Variants in ACOXL observed in about 807,000 individuals in gnomAD.
ACOXL encodes the protein acyl-coenzyme A oxidase-like protein.
Under a neutral mutation model 71.9 loss-of-function variants are expected in ACOXL, and 70 were observed. The ratio of observed to expected loss-of-function variants is 0.97; its 90% CI spans 0.80 to 1.19. The LOEUF (loss-of-function observed/expected upper bound fraction) is 1.19. ACOXL is among the 50% of genes most tolerant of loss of function. The probability of loss-of-function intolerance (pLI) is 0.00; values close to 1 mark genes in which losing one functional copy is unlikely to be tolerated. For synonymous variants in ACOXL, 253 were observed against 281.6 expected (o/e 0.90, Z 1.02); for missense variants, 703 against 736.3 (o/e 0.95, Z 0.52).
At chr2:110,892,648 A>T (rs920103527) in intron 10 of ACOXL, among the ~76,000 whole-genome samples, 1 of 152,200 alleles carries the variant, frequency 6.6e-6, no homozygotes, top group African/African-American at 2.4e-5. Context: ...TTGCCAGCAA[A>T]ACAGTAAAGT....
At chr2:111,088,716 T>A (rs2068357478) in intron 16 of ACOXL, among the ~76,000 whole-genome samples, 1 of 152,074 alleles carries the variant, frequency 6.6e-6, no homozygotes, top group Non-Finnish European at 1.5e-5. Flanking sequence ...AAATAATCTG[T>A]ACACCAGACT....
chr2:110,990,264 C>T (rs766881474), intron 13 of ACOXL, among the ~76,000 whole-genome samples: 1 of 151,964 alleles, frequency 6.6e-6, no homozygotes, highest in Non-Finnish European at 1.5e-5. Flanking sequence ...ATACTATATC[C>T]TTTCATAGAT....
chr2:110,972,614 GTCTC>G (rs139672665), intron 12 of ACOXL, among the ~76,000 whole-genome samples: 1,641 of 147,620 alleles, frequency 0.011, 35 homozygotes, highest in African/African-American at 0.039. Flanking sequence ...ATGCATCTCT[GTCTC>G]TCTCACACGC....
At chr2:110,968,352 C>T (rs1315005422) in intron 12 of ACOXL, 17 of 1,137,096 alleles carry the variant, frequency 1.5e-5, no homozygotes, top group Non-Finnish European at 2.1e-5. Context: ...GCTCATCTGT[C>T]TCTCATAGTA....
intron 2 of ACOXL, among the ~76,000 whole-genome samples, chr2:110,778,593 G>C (rs537643008): frequency 6.6e-6 from 1 of 152,316 alleles, no homozygotes; most frequent in Admixed American, 6.5e-5. Flanking sequence ...CCTTGGGCTA[G>C]TTTTTGAATT....
intron 10 of ACOXL, among the ~76,000 whole-genome samples, chr2:110,881,398 T>C (rs1696626550): frequency 6.6e-6 from 1 of 152,126 alleles, no homozygotes; most frequent in South Asian, 2.1e-4. Context: ...ATAAATTGCT[T>C]TCCAAAAATT....
intron 16 of ACOXL, among the ~76,000 whole-genome samples, chr2:111,071,238 G>C (rs939712193): frequency 6.6e-6 from 1 of 152,136 alleles, no homozygotes. Flanking sequence ...GGGGATCAAA[G>C]AAAAAGACCC....
intron 16 of ACOXL, among the ~76,000 whole-genome samples, chr2:111,053,831 C>T (rs187415609): frequency 6.6e-6 from 1 of 152,362 alleles, no homozygotes; most frequent in East Asian, 1.9e-4. Flanking sequence ...CCATCGCCTG[C>T]AGAGCCTCCC....
intron 17 of ACOXL, among the ~76,000 whole-genome samples, chr2:111,108,280 T>C (rs1045796600): frequency 6.6e-6 from 1 of 152,040 alleles, no homozygotes; most frequent in African/African-American, 2.4e-5. Context: ...GGCAATCTCA[T>C]GTTGGTTCCC....
intron 14 of ACOXL, among the ~76,000 whole-genome samples, chr2:111,001,611 C>T (rs986892893): frequency 6.6e-6 from 1 of 152,122 alleles, no homozygotes; most frequent in African/African-American, 2.4e-5. Context: ...ACCACTGATT[C>T]CTGCATTATT....
chr2:110,985,686 A>C (rs1463226210), intron 12 of ACOXL, among the ~76,000 whole-genome samples: 1 of 152,118 alleles, frequency 6.6e-6, no homozygotes, highest in Non-Finnish European at 1.5e-5. Context: ...CTCTAATTTC[A>C]AGGGAACAGG....
At chr2:111,013,449 G>A (rs2064262367) in intron 14 of ACOXL, among the ~76,000 whole-genome samples, 1 of 149,634 alleles carries the variant, frequency 6.7e-6, no homozygotes, top group South Asian at 2.1e-4. Context: ...CTTGAACCTG[G>A]GAGGCAGAGA....
chr2:111,027,041 C>T (rs1243478577), intron 14 of ACOXL, among the ~76,000 whole-genome samples: 3 of 151,994 alleles, frequency 2.0e-5, no homozygotes. Context: ...AAACTACAGG[C>T]ACCCACCATC....
chr2:110,856,448 C>T (rs759125147), intron 10 of ACOXL, among the ~76,000 whole-genome samples: 1 of 152,142 alleles, frequency 6.6e-6, no homozygotes, highest in Non-Finnish European at 1.5e-5. Context: ...GTGATGCTGG[C>T]AATTGGGATA....
chr2:110,807,018 G>T (rs981893777), intron 9 of ACOXL, among the ~76,000 whole-genome samples: 1 of 152,208 alleles, frequency 6.6e-6, no homozygotes, highest in Non-Finnish European at 1.5e-5. Context: ...TTCCTAAAAG[G>T]TTCCTGTTCT....
chr2:110,893,410 T>C (rs965571232), intron 10 of ACOXL, among the ~76,000 whole-genome samples: 16 of 152,160 alleles, frequency 1.1e-4, no homozygotes, highest in African/African-American at 3.6e-4. Context: ...GAGATAATAT[T>C]TTACTTTGTT....
intron 12 of ACOXL, among the ~76,000 whole-genome samples, chr2:110,937,614 A>C (rs988197032): frequency 6.6e-6 from 1 of 152,210 alleles, no homozygotes; most frequent in African/African-American, 2.4e-5. Context: ...TTAAGCTCAT[A>C]TGCATACATG....
chr2:110,979,819 G>A (rs1227895277), intron 12 of ACOXL, among the ~76,000 whole-genome samples: 2 of 152,184 alleles, frequency 1.3e-5, no homozygotes, highest in East Asian at 3.8e-4. Flanking sequence ...CCTTTCCAAG[G>A]GGGCTGTAAC....
At chr2:110,809,243 G>C (rs190047221) in intron 9 of ACOXL, among the ~76,000 whole-genome samples, 1 of 152,218 alleles carries the variant, frequency 6.6e-6, no homozygotes. Flanking sequence ...GTACACACTC[G>C]TGCATTGTGC....
Sources: gnomAD v4.1 joint callset for allele counts (sites outside exome capture counted in the v4.1 genomes callset) on GRCh38, gnomAD v4.1.1 for gene constraint, MANE v1.5 for transcripts, NCBI Gene and HGNC (gene_info 2026-07-23, HGNC 2026-07-21) for gene names.